The following LPCAT3 variants were observed in gnomAD, a reference collection of about 807,000 sequenced individuals.
The protein encoded by LPCAT3 is lysophosphatidylcholine acyltransferase 3.
LPCAT3 carries 21 observed loss-of-function variants against 63.4 expected under a neutral mutation model. That is an observed-to-expected ratio of 0.33 (90% CI 0.23 to 0.48). The LOEUF is 0.48. LPCAT3 is among the 20% of genes least tolerant of loss of function. The probability of loss-of-function intolerance (pLI) is 0.99; values close to 1 mark genes in which losing one functional copy is unlikely to be tolerated. For missense variants in LPCAT3, 451 were observed against 590.6 expected, an observed-to-expected ratio of 0.76 and a Z score of 2.45; for synonymous variants, 242 against 227.5, an observed-to-expected ratio of 1.06 and a Z score of -0.58.
intron 1 of LPCAT3, among the ~76,000 whole-genome samples, chr12:7,016,046 T>A (rs1946795597): frequency 6.6e-6 from 1 of 152,162 alleles, no homozygotes; most frequent in Admixed American, 6.5e-5. Flanking sequence ...TGTGTTACAT[T>A]CTGAATTTAT....
intron 1 of LPCAT3, among the ~76,000 whole-genome samples, chr12:6,998,516 G>A (rs2051991081): frequency 6.6e-6 from 1 of 152,200 alleles, no homozygotes; most frequent in Non-Finnish European, 1.5e-5. Flanking sequence ...GAAGACAAAG[G>A]AAAATAGGAA....
In LPCAT3 at chr12:7,018,277, G is replaced by C; in HGVS notation, c.148C>G (p.Leu50Val). 6.2e-7 allele frequency: 1 copy of C among 1,601,082 alleles called. No individual in the cohort carries two copies. The highest frequency in any genetic ancestry group is 8.5e-7 in the Non-Finnish European group (1 of 1,174,258). ...QALRLIISIFLGYPFALFYRH... is the reference protein window; with the variant it reads ...QALRLIISIFVGYPFALFYRH... ...AGGGAGGCAGGAGGGTCCTTACCCA[G>C]GAAGATGGAGATGATCAGCCGCAGC... The change falls in exon 1 of 13, where the codon CTG (leucine) becomes GTG (valine). Residue 50 changes from leucine to valine, a missense_variant. Leu to Val is a conservative substitution (Grantham distance 32, BLOSUM62 1). Transcript: ENST00000261407. The surrounding 1 kb of genome is among the most constrained non-coding windows in gnomAD (Gnocchi z 4.9).
At position 6,979,940 on chromosome 12, in the gene LPCAT3, G is replaced by A. The variant is rs145531529; in HGVS notation, c.678-361C>T. 1.2e-3 allele frequency: 241 copies of A among 198,826 alleles called. 1 individual carries two copies. Among genetic ancestry groups the A allele is most frequent in the African/African-American group, 5.4e-3 (230 of 42,958 alleles). 12.3% of individuals were successfully genotyped at this position (198,826 alleles called of 1,614,324 possible). On this transcript the variant is annotated intron_variant, in intron 6 of 12. Coordinates refer to ENST00000261407, the MANE Select transcript of LPCAT3 (RefSeq NM_005768.6). ...TAATAAAAATAACCACTTTGAATCT[G>A]CTCCTTCATTTCTTGGTTGAATTGA...
intron 9 of LPCAT3, 30 bp downstream of exon 9, chr12:6,978,311 C>A: frequency 6.3e-7 from 1 of 1,584,368 alleles, no homozygotes; most frequent in Non-Finnish European, 8.6e-7. Context: ...AGGAAGGAAC[C>A]AGGGTCCAGG....
At chr12:7,012,775 C>G (rs1414104709) in intron 1 of LPCAT3, among the ~76,000 whole-genome samples, 1 of 152,140 alleles carries the variant, frequency 6.6e-6, no homozygotes, top group Non-Finnish European at 1.5e-5. Context: ...GAACCCCAAA[C>G]CAGATCATTT....
At chr12:7,003,778 C>A (rs1167672390) in intron 1 of LPCAT3, among the ~76,000 whole-genome samples, 4 of 151,504 alleles carry the variant, frequency 2.6e-5, no homozygotes, top group African/African-American at 9.7e-5. Flanking sequence ...AAAAATTAGC[C>A]GGGCGCGGTG....
At position 7,017,701 on chromosome 12, in the gene LPCAT3, A is replaced by G. The variant is rs1289854784; in HGVS notation, c.151+573T>C. Among the ~76,000 whole-genome samples the G allele has an allele frequency of 6.6e-6, 1 of 152,226 alleles. No individual in the cohort carries two copies. The highest frequency in any genetic ancestry group is 1.5e-5 in the Non-Finnish European group (1 of 68,032). The stretch of plus-strand genomic sequence containing the variant: ...TTAAAATGATATTCCAGGGTAAATG[A>G]CAGGTAGGTGGCTTGGAAAATAAAA... On this transcript the variant is annotated intron_variant, in intron 1 of 12. Coordinates refer to ENST00000261407, the MANE Select transcript of LPCAT3 (RefSeq NM_005768.6). The surrounding 1 kb of genome is among the most constrained non-coding windows in gnomAD (Gnocchi z 4.1).
At chr12:6,980,883 C>T (rs1395256364) in intron 6 of LPCAT3, 121 bp downstream of exon 6, 10 of 982,440 alleles carry the variant, frequency 1.0e-5, no homozygotes, top group Admixed American at 2.7e-5. Flanking sequence ...TACAACAGTC[C>T]AGGGCCTGCA....
chr12:6,984,003 G>C (rs1417672971), intron 1 of LPCAT3, among the ~76,000 whole-genome samples: 2 of 152,102 alleles, frequency 1.3e-5, no homozygotes, highest in African/African-American at 4.8e-5. Context: ...ACAAAGATTT[G>C]AGCGTACCCA....
rs1555154983 is a variant in LPCAT3, at chr12:6,987,927, C to G, written c.152-4388G>C. ...GTCCACTTCTTATAGCCTGTCTGTC[C>G]CTTTCCTTGCTACTCTGGGATCAAC... On this transcript the variant is annotated intron_variant, in intron 1 of 12. Transcript: ENST00000261407. This position sits in a 1 kb window ranked among gnomAD's most constrained non-coding sequence, Gnocchi z 4.1. 5.0e-6 allele frequency: 2 copies of G among 399,636 alleles called. No individual in the cohort carries two copies. Among genetic ancestry groups the G allele is most frequent in the African/African-American group, 4.1e-5 (2 of 48,640 alleles). 24.8% of individuals were successfully genotyped at this position (399,636 alleles called of 1,614,324 possible). A position where few individuals can be genotyped will look rare whatever the true frequency, so the allele number is the denominator to read the frequency against.
At chr12:6,981,776 A>T in intron 4 of LPCAT3, 35 bp downstream of exon 4, 1 of 1,546,078 alleles carries the variant, frequency 6.5e-7, no homozygotes, top group Non-Finnish European at 8.9e-7. Context: ...GGAGGGACCT[A>T]CATGTAAGGA....
intron 1 of LPCAT3, among the ~76,000 whole-genome samples, chr12:6,996,294 T>C (rs1946635471): frequency 6.6e-6 from 1 of 152,212 alleles, no homozygotes; most frequent in African/African-American, 2.4e-5. Flanking sequence ...CTCAGGTCCT[T>C]TGTAAAATGT....
chr12:6,995,892 A>AT (rs1946632185), intron 1 of LPCAT3, among the ~76,000 whole-genome samples: 1 of 152,150 alleles, frequency 6.6e-6, no homozygotes, highest in Non-Finnish European at 1.5e-5. Flanking sequence ...TATTATTAAT[A>AT]TATCATTATT....
At chr12:7,014,352 A>G (rs1262868709) in intron 1 of LPCAT3, among the ~76,000 whole-genome samples, 2 of 152,168 alleles carry the variant, frequency 1.3e-5, no homozygotes, top group Non-Finnish European at 2.9e-5. Context: ...TCATGGTATT[A>G]GTTACATTAA....
chr12:7,000,719 G>A (rs1398544423), intron 1 of LPCAT3, among the ~76,000 whole-genome samples: 1 of 151,218 alleles, frequency 6.6e-6, no homozygotes, highest in Non-Finnish European at 1.5e-5. Context: ...CTTAAAAATT[G>A]AGTATTCTTT....
Position 6,978,438 on chromosome 12 carries a change from C to T in LPCAT3, c.943G>A (p.Ala315Thr). Residue 315 changes from alanine to threonine, a missense_variant, in exon 9 of 13, where the codon GCC becomes ACC. Ala to Thr is a moderately conservative substitution (Grantham distance 58). Coordinates refer to ENST00000261407, the MANE Select transcript of LPCAT3 (RefSeq NM_005768.6). ...AGCCACACCTTCATGTTGGCACAGG[C>T]ATCCCACTTTGCCTTGCCCTTTTCT... ...FEEKGKAKWD[A>T]CANMKVWLFE... is the part of the protein sequence containing the mutation. 1 of 1,614,158 alleles carries T rather than the reference C, an allele frequency of 6.2e-7. No homozygotes were observed.
In LPCAT3 at chr12:6,987,845, G is replaced by C. The variant is rs1240599143; in HGVS notation, c.152-4306C>G. The C allele has an allele frequency of 2.5e-6, 1 of 400,592 alleles. No individual in the cohort carries two copies. Among genetic ancestry groups the C allele is most frequent in the Non-Finnish European group, 4.4e-6 (1 of 226,222 alleles). The allele number at this position is 400,592 out of a possible 1,614,324, so 24.8% of individuals were successfully genotyped here. A position where few individuals can be genotyped will look rare whatever the true frequency, so the allele number is the denominator to read the frequency against. The stretch of plus-strand genomic sequence containing the variant: ...GGCTTTATGACGTTCTGAGGTATGT[G>C]AAATTGTCTGCCTGACTCTAACAAG... On this transcript the variant is annotated intron_variant, in intron 1 of 12. Coordinates refer to ENST00000261407, the MANE Select transcript of LPCAT3 (RefSeq NM_005768.6). The surrounding 1 kb of genome is among the most constrained non-coding windows in gnomAD (Gnocchi z 4.1).
intron 1 of LPCAT3, among the ~76,000 whole-genome samples, chr12:7,012,576 A>G (rs1269809066): frequency 2.6e-5 from 4 of 152,190 alleles, no homozygotes; most frequent in African/African-American, 9.7e-5. Context: ...ACATTAACAT[A>G]CCCAATCAAC....
chr12:7,000,180 A>G (rs1274319977), intron 1 of LPCAT3, among the ~76,000 whole-genome samples: 2 of 151,890 alleles, frequency 1.3e-5, no homozygotes, highest in African/African-American at 2.4e-5. Context: ...TCAGACTCCC[A>G]AAGTGCTGGG....
Sources: gnomAD v4.1 joint callset for allele counts (sites outside exome capture counted in the v4.1 genomes callset) on GRCh38, gnomAD v4.1.1 for gene constraint, Gnocchi (gnomAD v3.1) non-coding constraint, MANE v1.5 for transcripts, NCBI Gene and HGNC (gene_info 2026-07-23, HGNC 2026-07-21) for gene names.